C22orf15: variants seen among roughly 807,000 people sequenced by gnomAD.
C22orf15 encodes chromosome 22 open reading frame 15.
A neutral mutation model predicts 20.3 loss-of-function variants in C22orf15; 21 were observed. The observed-to-expected ratio is 1.04, with a 90% CI of 0.74 to 1.49. C22orf15 has a LOEUF of 1.49. Ranked by LOEUF, C22orf15 falls within the 40% of genes most tolerant of loss-of-function variation. The pLI is 0.00. For missense variants in C22orf15, 170 were observed against 191.1 expected (o/e 0.89, Z 0.65); for synonymous variants, 78 against 75.4 (o/e 1.03, Z -0.18).
In C22orf15 at chr22:23,764,344, T is replaced by C. The variant is rs1222554094; in HGVS notation, c.197T>C (p.Met66Thr). The C allele has an allele frequency of 1.3e-6, 2 of 1,551,696 alleles. No individual in the cohort carries two copies. The highest frequency in any genetic ancestry group is 1.4e-5 in the African/African-American group (1 of 73,172). ...GAAGGGGCTTCCCGGGCCCAGACCA[T>C]GGGCAACTCCCTACTGAAGGAGCGA... ...LKEGASRAQT[M>T]GNSLLKERAI... Residue 66 changes from methionine (M) to threonine (T), a missense_variant, in exon 3 of 6, where the codon ATG becomes ACG. By Grantham distance (81) the Met-to-Thr change is moderately conservative. Coordinates refer to ENST00000402217, the MANE Select transcript of C22orf15 (RefSeq NM_182520.3).
At chr22:23,764,934 T>C in intron 5 of C22orf15, 32 bp downstream of exon 5, 1 of 1,591,090 alleles carries the variant, frequency 6.3e-7, no homozygotes, top group Non-Finnish European at 8.6e-7. Flanking sequence ...AGTTGCTAGC[T>C]GGGGCAGGGA....
intron 5 of C22orf15, 23 bp downstream of exon 5, chr22:23,764,925 G>T: frequency 6.3e-7 from 1 of 1,595,688 alleles, no homozygotes; most frequent in Non-Finnish European, 8.5e-7. Flanking sequence ...CCACCCAGGA[G>T]TTGCTAGCTG....
At chr22:23,764,424 T>A in intron 3 of C22orf15, 27 bp downstream of exon 3, 1 of 1,587,590 alleles carries the variant, frequency 6.3e-7, no homozygotes, top group Non-Finnish European at 8.6e-7. Context: ...TTCTCTCCCC[T>A]GCAGCTATGG....
At chr22:23,764,493 C>T (rs1157213731) in intron 3 of C22orf15, 96 bp downstream of exon 3, 4 of 1,576,690 alleles carry the variant, frequency 2.5e-6, no homozygotes, top group Non-Finnish European at 3.5e-6. Flanking sequence ...GTCCGGCCTC[C>T]CACCTCGGCT....
At position 23,764,847 on chromosome 22, in the gene C22orf15, G is replaced by A. The variant is rs141469034; in HGVS notation, c.380G>A (p.Arg127His). The part of the protein sequence containing the change: ...LSSVGHNWRK[R>H]MGTRRGRHEQ... Reference sequence around the variant, plus strand: ...TCTGTGGGCCACAACTGGAGGAAGCGTATGGGCACTCGGCGAGGCCGCCAT... The same window carrying A: ...TCTGTGGGCCACAACTGGAGGAAGCATATGGGCACTCGGCGAGGCCGCCAT... The change falls in exon 5 of 6, where the codon CGT (arginine) becomes CAT (histidine). Residue 127 changes from arginine (R) to histidine (H), a missense_variant. Coordinates refer to ENST00000402217, the MANE Select transcript of C22orf15 (RefSeq NM_182520.3). 1,265 of 1,613,832 alleles carry A rather than the reference G, an allele frequency of 7.8e-4. 15 individuals are homozygous for A. The African/African-American group carries it at 0.012, about 16-fold the overall frequency.
chr22:23,765,813 C>G lies in C22orf15; in HGVS notation c.*81C>G, dbSNP rs73881809. 3.5e-3 allele frequency: 5,419 copies of G among 1,532,650 alleles called. 159 individuals carry two copies. In the African/African-American group the frequency reaches 0.061, roughly 17 times the overall value. The allele number at this position is 1,532,650 out of a possible 1,614,324, so 94.9% of individuals were successfully genotyped here. A position where few individuals can be genotyped will look rare whatever the true frequency, so the allele number is the denominator to read the frequency against. ...AGGGAGCTCCCTGAAGACAGGCCAT[C>G]GAGAGAGGCACACAACAGGCTGTGG... On this transcript the variant is annotated 3_prime_UTR_variant, in exon 6 of 6. Coordinates refer to ENST00000402217, the MANE Select transcript of C22orf15 (RefSeq NM_182520.3).
chr22:23,765,790 G>A lies in C22orf15; in HGVS notation c.*58G>A. 6.5e-7 allele frequency: 1 copy of A among 1,545,600 alleles called. No homozygotes were observed. Among genetic ancestry groups the A allele is most frequent in the East Asian group, 2.4e-5 (1 of 40,838 alleles). Reference sequence around the variant, plus strand: ...ATCCTGACCCCACCTCATCAGCCAGGGAGCTCCCTGAAGACAGGCCATCGA... The same window carrying A: ...ATCCTGACCCCACCTCATCAGCCAGAGAGCTCCCTGAAGACAGGCCATCGA... On this transcript the variant is annotated 3_prime_UTR_variant, in exon 6 of 6. Transcript: ENST00000402217.
At chr22:23,764,995 C>G in intron 5 of C22orf15, 93 bp downstream of exon 5, 1 of 1,519,152 alleles carries the variant, frequency 6.6e-7, no homozygotes, top group Non-Finnish European at 8.8e-7. Context: ...AGAGTGGGAT[C>G]CCTTCCTGCA....
At chr22:23,765,242 G>C (rs1190871458) in intron 5 of C22orf15, 1 of 1,473,512 alleles carries the variant, frequency 6.8e-7, no homozygotes, top group Non-Finnish European at 9.0e-7. Flanking sequence ...GTGTGTGATG[G>C]CACGGCCCAC....
intron 5 of C22orf15, chr22:23,765,248 C>T: frequency 6.7e-7 from 1 of 1,486,618 alleles, no homozygotes; most frequent in East Asian, 2.5e-5. Context: ...GATGGCACGG[C>T]CCACACTGGG....
At chr22:23,765,507 G>A (rs189824410) in intron 5 of C22orf15, 18 of 1,550,522 alleles carry the variant, frequency 1.2e-5, no homozygotes, top group Middle Eastern at 1.7e-4. Context: ...TGGGTGCAGA[G>A]AATGGGATGC....
At chr22:23,764,431 A>G in intron 3 of C22orf15, 34 bp downstream of exon 3, 1 of 1,596,226 alleles carries the variant, frequency 6.3e-7, no homozygotes, top group Non-Finnish European at 8.5e-7. Flanking sequence ...CCCTGCAGCT[A>G]TGGTAGAATG....
chr22:23,764,420 C>A, intron 3 of C22orf15, 23 bp downstream of exon 3: 1 of 1,583,316 alleles, frequency 6.3e-7, no homozygotes, highest in Non-Finnish European at 8.6e-7. Flanking sequence ...AAGGTTCTCT[C>A]CCCTGCAGCT....
In C22orf15 at chr22:23,765,821, G is replaced by C. The variant is rs1165362003; in HGVS notation, c.*89G>C. On this transcript the variant is annotated 3_prime_UTR_variant, in exon 6 of 6. Transcript: ENST00000402217. ...CCCTGAAGACAGGCCATCGAGAGAG[G>C]CACACAACAGGCTGTGGTCTAAAAT... 2.0e-6 allele frequency: 3 copies of C among 1,529,064 alleles called. No individual in the cohort carries two copies. The highest frequency in any genetic ancestry group is 2.7e-6 in the Non-Finnish European group (3 of 1,129,088). 94.7% of individuals were successfully genotyped at this position (1,529,064 alleles called of 1,614,324 possible).
chr22:23,763,768 G>A (rs1569144834), intron 1 of C22orf15, among the ~76,000 whole-genome samples: 1 of 152,220 alleles, frequency 6.6e-6, no homozygotes, highest in Admixed American at 6.5e-5. Flanking sequence ...GCGGAGGGCG[G>A]GGACTGGCTG....
At chr22:23,764,436 A>T in intron 3 of C22orf15, 39 bp downstream of exon 3, 1 of 1,599,604 alleles carries the variant, frequency 6.3e-7, no homozygotes, top group Non-Finnish European at 8.5e-7. Context: ...CAGCTATGGT[A>T]GAATGTAAGA....
intron 3 of C22orf15, 64 bp from the exon 4 acceptor site, chr22:23,764,575 G>C (rs1353351274): frequency 6.3e-7 from 1 of 1,583,296 alleles, no homozygotes; most frequent in Admixed American, 1.7e-5. Flanking sequence ...GTTCCAGAGT[G>C]AGAGGCAGAG....
At chr22:23,763,510 C>T (rs902916112) in intron 1 of C22orf15, among the ~76,000 whole-genome samples, 179 bp downstream of exon 1, 3 of 152,220 alleles carry the variant, frequency 2.0e-5, no homozygotes, top group African/African-American at 4.8e-5. Flanking sequence ...TGGAGCGAGT[C>T]CCTTAAAGGG....
In C22orf15 at chr22:23,764,077, CT is replaced by C; in HGVS notation, c.26-9del. 6.5e-7 allele frequency: 1 copy of C among 1,550,200 alleles called. No individual in the cohort carries two copies. Among genetic ancestry groups the C allele is most frequent in the South Asian group, 1.2e-5 (1 of 83,988 alleles). ...AGATCTCACAGGCTCACCTTTGCCC[CT>C]CTCCACAGCTGGCTGCTCGGTGCTG... On this transcript the variant is annotated splice_polypyrimidine_tract_variant and intron_variant, in intron 1 of 5. Transcript: ENST00000402217.
Sources: allele counts gnomAD v4.1 joint callset (sites outside exome capture counted in the v4.1 genomes callset), GRCh38; gene constraint gnomAD v4.1.1; transcripts MANE v1.5; gene names NCBI Gene and HGNC (gene_info 2026-07-23, HGNC 2026-07-21).